Variants in PHC3 observed in about 807,000 individuals in gnomAD.
PHC3 encodes the protein polyhomeotic homolog 3.
In PHC3, 13 loss-of-function variants were observed where a neutral mutation model predicts 107.4. The observed-to-expected ratio is 0.12, with a 90% CI of 0.08 to 0.19. PHC3 has a LOEUF of 0.19. Among genes scored for constraint, PHC3 ranks in the 10% least tolerant of loss-of-function variants. The pLI is 1.00. For missense variants in PHC3, 992 were observed against 1,210.9 expected, an observed-to-expected ratio of 0.82 and a Z score of 2.68; for synonymous variants, 456 against 427.4, an observed-to-expected ratio of 1.07 and a Z score of -0.83.
At chr3:170,146,218 T>C (rs867623769) in intron 5 of PHC3, among the ~76,000 whole-genome samples, 5 of 151,794 alleles carry the variant, frequency 3.3e-5, no homozygotes, top group South Asian at 2.1e-4. Context: ...CTACTAATAA[T>C]ACAAAAATTA....
rs527352079 is a variant in PHC3 at position 170,090,495 on chromosome 3, G to A, written c.*6735C>T. 12 of 152,246 alleles carry A rather than the reference G, an allele frequency of 7.9e-5. No homozygotes were observed. Among genetic ancestry groups the A allele is most frequent in the Non-Finnish European group, 1.3e-4 (9 of 68,012 alleles). 9.4% of individuals were successfully genotyped at this position (152,246 alleles called of 1,614,324 possible). A position where few individuals can be genotyped will look rare whatever the true frequency, so the allele number is the denominator to read the frequency against. ...ATATATTCAGTGGTTAACCAATAAG[G>A]AGCATTTAGGAAAATGTCATCATTT... On this transcript the variant is annotated 3_prime_UTR_variant, in exon 15 of 15. Coordinates refer to ENST00000495893, the MANE Select transcript of PHC3 (RefSeq NM_024947.4).
rs1238819311 is a variant in PHC3 at position 170,129,530 on chromosome 3, A to C, written c.942T>G (p.Pro314=). 1 of 1,613,464 alleles carries C rather than the reference A, an allele frequency of 6.2e-7. No homozygotes were observed. The highest frequency in any genetic ancestry group is 2.2e-5 in the East Asian group (1 of 44,884). Residue 314 remains proline, a synonymous_variant, in exon 8 of 15, where the codon CCT becomes CCG. Coordinates refer to ENST00000495893, the MANE Select transcript of PHC3 (RefSeq NM_024947.4). ...IAPASYSPIQ[P]HSLIKHQQIP... ...TCTGCTGATGTTTTATTAGAGAATGAGGCTGAATTGGAGAATATGAAGCTG... is the reference window on the plus strand; with the variant it reads ...TCTGCTGATGTTTTATTAGAGAATGCGGCTGAATTGGAGAATATGAAGCTG...
chr3:170,163,590 C>T (rs147645497), intron 4 of PHC3, among the ~76,000 whole-genome samples: 1,831 of 151,998 alleles, frequency 0.012, 38 homozygotes, highest in African/African-American at 0.042. Context: ...CCGCCGGGCA[C>T]GGTGGCTCAC....
intron 2 of PHC3, among the ~76,000 whole-genome samples, chr3:170,176,182 C>T (rs972373284): frequency 2.7e-5 from 4 of 149,192 alleles, no homozygotes; most frequent in Non-Finnish European, 5.9e-5. Context: ...GCCTAGATCA[C>T]GCCACCGCAC....
chr3:170,096,053 T>A lies in PHC3; in HGVS notation c.*1177A>T, dbSNP rs772713170. ...TTGCCAGAAAAGGCTGTGCACTAGT[T>A]CATAGGTATAATCATATTATGTCTT... is the stretch of plus-strand genomic sequence containing the variant. On this transcript the variant is annotated 3_prime_UTR_variant, in exon 15 of 15. Coordinates refer to ENST00000495893, the MANE Select transcript of PHC3 (RefSeq NM_024947.4). 12 of 152,190 alleles carry A rather than the reference T, an allele frequency of 7.9e-5. No individual in the cohort carries two copies. Among genetic ancestry groups the A allele is most frequent in the Non-Finnish European group, 1.0e-4 (7 of 68,030 alleles). The allele number at this position is 152,190 out of a possible 1,614,324, so 9.4% of individuals were successfully genotyped here.
intron 4 of PHC3, among the ~76,000 whole-genome samples, chr3:170,159,398 TA>T (rs1432529330): frequency 2.6e-5 from 4 of 151,306 alleles, no homozygotes; most frequent in Non-Finnish European, 4.4e-5. Flanking sequence ...GTGGCTGAAC[TA>T]AAAATTTTTT....
chr3:170,097,174 T>A lies in PHC3; in HGVS notation c.*56A>T. 6.5e-7 allele frequency: 1 copy of A among 1,536,498 alleles called. No homozygotes were observed. The highest frequency in any genetic ancestry group is 8.8e-7 in the Non-Finnish European group (1 of 1,131,760). ...TCTAGACCAAGTTAGGCCTTTACCT[T>A]ACAAGTTTTTGTGAGAAAAGTAAAA... On this transcript the variant is annotated 3_prime_UTR_variant, in exon 15 of 15. Coordinates refer to ENST00000495893, the MANE Select transcript of PHC3 (RefSeq NM_024947.4). This position sits in a 1 kb window ranked among gnomAD's most constrained non-coding sequence, Gnocchi z 4.1.
intron 4 of PHC3, among the ~76,000 whole-genome samples, chr3:170,151,198 G>A (rs934196979): frequency 5.3e-5 from 8 of 152,224 alleles, no homozygotes; most frequent in East Asian, 3.9e-4. Flanking sequence ...GCAACAGAGC[G>A]AGACTCTGTC....
At chr3:170,139,652 A>G (rs1202578643) in intron 6 of PHC3, among the ~76,000 whole-genome samples, 5 of 152,180 alleles carry the variant, frequency 3.3e-5, no homozygotes, top group African/African-American at 9.7e-5. Flanking sequence ...TTGTATATAT[A>G]TTATTTATGT....
Position 170,093,357 on chromosome 3 carries a change from TGCTCAATGCCAG to T in PHC3, c.*3861_*3872del, listed in dbSNP as rs1473825131. The T allele has an allele frequency of 6.6e-6, 1 of 152,190 alleles. No individual in the cohort carries two copies. Among genetic ancestry groups the T allele is most frequent in the Non-Finnish European group, 1.5e-5 (1 of 68,040 alleles). 9.4% of individuals were successfully genotyped at this position (152,190 alleles called of 1,614,324 possible). A position where few individuals can be genotyped will look rare whatever the true frequency, so the allele number is the denominator to read the frequency against. The stretch of plus-strand genomic sequence containing the variant: ...GAGGCCCTTTCATGCCATTAGCTAA[TGCTCAATGCCAG>T]TAGGCTGCATGTGTTCCTGCAATCC... On this transcript the variant is annotated 3_prime_UTR_variant, in exon 15 of 15. Coordinates refer to ENST00000495893, the MANE Select transcript of PHC3 (RefSeq NM_024947.4).
chr3:170,145,374 C>G (rs375067688), intron 6 of PHC3, 49 bp downstream of exon 6: 1 of 1,492,846 alleles, frequency 6.7e-7, no homozygotes, highest in South Asian at 1.2e-5. Flanking sequence ...TAACTTTAAC[C>G]TGAAGATCCA....
At chr3:170,133,667 A>G (rs1220659960) in intron 7 of PHC3, among the ~76,000 whole-genome samples, 6 of 152,200 alleles carry the variant, frequency 3.9e-5, no homozygotes, top group Non-Finnish European at 2.9e-5. Flanking sequence ...TATATGTAAG[A>G]TCTGAATTTG....
At chr3:170,166,974 GT>G (rs1728839442) in intron 4 of PHC3, among the ~76,000 whole-genome samples, 1 of 152,060 alleles carries the variant, frequency 6.6e-6, no homozygotes, top group Non-Finnish European at 1.5e-5. Context: ...ACGTTTTAAA[GT>G]TTAACACACA....
At chr3:170,132,807 C>T (rs994372559) in intron 7 of PHC3, among the ~76,000 whole-genome samples, 3 of 152,164 alleles carry the variant, frequency 2.0e-5, no homozygotes, top group Non-Finnish European at 4.4e-5. Flanking sequence ...CTACAAAAAA[C>T]AGTATATATT....
At chr3:170,153,446 TTATTAA>T (rs1349037524) in intron 4 of PHC3, among the ~76,000 whole-genome samples, 2 of 152,170 alleles carry the variant, frequency 1.3e-5, no homozygotes, top group African/African-American at 2.4e-5. Context: ...CTTTCCCTGA[TTATTAA>T]TATTAATTAC....
chr3:170,107,470 T>C (rs1416525592), intron 11 of PHC3, among the ~76,000 whole-genome samples: 1 of 152,126 alleles, frequency 6.6e-6, no homozygotes, highest in Non-Finnish European at 1.5e-5. Context: ...AGATCTGCAG[T>C]ATATGATAAA....
chr3:170,150,336 C>T (rs1327350999), intron 4 of PHC3, among the ~76,000 whole-genome samples: 2 of 151,876 alleles, frequency 1.3e-5, no homozygotes, highest in African/African-American at 4.8e-5. Flanking sequence ...ATGGAAAAAT[C>T]CTGAATATCA....
chr3:170,102,828 C>T lies in PHC3; in HGVS notation c.2575G>A (p.Ala859Thr). The part of the protein sequence containing the change: ...RGRRPSGPDG[A>T]AREHILRQLP... The stretch of plus-strand genomic sequence containing the variant: ...TGCCTAAGGATATGTTCTCTCGCTG[C>T]CCCATCAGGGCCACTTGGACGACGG... The change falls in exon 13 of 15, where the codon GCA (alanine) becomes ACA (threonine). Residue 859 changes from alanine to threonine, a missense_variant. Physicochemically the swap from Ala to Thr is moderately conservative, Grantham distance 58 (BLOSUM62 0). Coordinates refer to ENST00000495893, the MANE Select transcript of PHC3 (RefSeq NM_024947.4). 2 of 1,613,964 alleles carry T rather than the reference C, an allele frequency of 1.2e-6. No homozygotes were observed. The highest frequency in any genetic ancestry group is 1.3e-5 in the African/African-American group (1 of 75,044).
At chr3:170,155,272 A>T (rs1451892516) in intron 4 of PHC3, among the ~76,000 whole-genome samples, 1 of 152,244 alleles carries the variant, frequency 6.6e-6, no homozygotes, top group African/African-American at 2.4e-5. Context: ...GAAACATTTC[A>T]CATTAAAAGA....
Sources: gnomAD v4.1 joint callset for allele counts (sites outside exome capture counted in the v4.1 genomes callset) on GRCh38, gnomAD v4.1.1 for gene constraint, Gnocchi (gnomAD v3.1) non-coding constraint, MANE v1.5 for transcripts, NCBI Gene and HGNC (gene_info 2026-07-23, HGNC 2026-07-21) for gene names.